DMD: variants seen among roughly 807,000 people sequenced by gnomAD.
The protein encoded by DMD is mutant dystrophin.
A neutral mutation model predicts 330.1 loss-of-function variants in DMD; 63 were observed. That is an observed-to-expected ratio of 0.19 (90% CI 0.16 to 0.24). The LOEUF (loss-of-function observed/expected upper bound fraction) is 0.24. Ranked by LOEUF, DMD falls within the 10% of genes least tolerant of loss-of-function variation. The probability of loss-of-function intolerance (pLI) is 1.00; values close to 1 mark genes in which losing one functional copy is unlikely to be tolerated. For synonymous variants in DMD, 1,223 were observed against 959.8 expected (o/e 1.27, Z -5.07); for missense variants, 3,344 against 2,684.1 (o/e 1.25, Z -5.43).
At chrX:32,473,966 T>G (rs773670087) in intron 21 of DMD, among the ~76,000 whole-genome samples, 1 of 110,040 alleles carries the variant, frequency 9.1e-6, no homozygotes, top group Non-Finnish European at 1.9e-5. Context: ...CTATTTGTAG[T>G]CTTTTCTCTC....
rs908576840 is a variant in DMD, at chrX:33,331,260, C to G, written c.7+7999G>C. 3.6e-5 allele frequency among the ~76,000 whole-genome samples: 4 copies of G among 111,589 alleles called. No individual in the cohort carries two copies. The East Asian group carries it at 1.1e-3, about 32-fold the overall frequency. On this transcript the variant is annotated intron_variant, in intron 1 of 17. Coordinates refer to the DMD transcript ENST00000288447. ...CCAAAGGGAGAGGAACCTGAGATTCCTACTCACTAATGTGTCCATCACATG... is the reference window on the plus strand; with the variant it reads ...CCAAAGGGAGAGGAACCTGAGATTCGTACTCACTAATGTGTCCATCACATG...
chrX:33,214,932 C>T (rs2052024320), upstream of DMD, among the ~76,000 whole-genome samples: 1 of 112,461 alleles, frequency 8.9e-6, no homozygotes, highest in African/African-American at 3.2e-5. Context: ...GGATTATAGG[C>T]ATGAGCCACC....
intron 21 of DMD, among the ~76,000 whole-genome samples, chrX:32,482,350 G>A (rs1374337026): frequency 2.7e-5 from 3 of 110,985 alleles, no homozygotes; most frequent in Non-Finnish European, 5.7e-5. Context: ...TCTTATTTCT[G>A]CCTGTACAGA....
At chrX:32,978,634 T>A (rs2092619332) in intron 2 of DMD, among the ~76,000 whole-genome samples, 1 of 111,476 alleles carries the variant, frequency 9.0e-6, no homozygotes, top group Non-Finnish European at 1.9e-5. Context: ...TACACTGAAC[T>A]AATTTTTATA....
In DMD at chrX:33,008,811, TACACATAAATGTATAC is replaced by T. The variant is rs1279593057; in HGVS notation, c.93+11312_93+11327del. Among the ~76,000 whole-genome samples the T allele has an allele frequency of 1.8e-3, 173 of 97,507 alleles. 2 individuals are homozygous for T. Among genetic ancestry groups the T allele is most frequent in the Middle Eastern group, 6.5e-3 (1 of 154 alleles). 84.7% of individuals were successfully genotyped at this position (97,507 alleles called of 115,157 possible). A position where few individuals can be genotyped will look rare whatever the true frequency, so the allele number is the denominator to read the frequency against. ...ATATATACGTATATATACGTATATA[TACACATAAATGTATAC>T]GTATATATATACACATATATGTATA... is the stretch of plus-strand genomic sequence containing the variant. On this transcript the variant is annotated intron_variant, in intron 2 of 78. Transcript: ENST00000357033.
Position 31,679,521 on chromosome X carries a change from T to G in DMD, c.7726A>C (p.Asn2576His). The G allele has an allele frequency of 1.2e-5, 14 of 1,211,790 alleles. No homozygotes were observed. Among genetic ancestry groups the G allele is most frequent in the Non-Finnish European group, 1.5e-5 (13 of 895,411 alleles). Residue 2576 changes from asparagine (N) to histidine (H), a missense_variant, in exon 53 of 79, where the codon AAT becomes CAT. Asn to His is a moderately conservative substitution (Grantham distance 68). Transcript: ENST00000357033. ...TGTGTTGAATCCTTTAACATTTCAT[T>G]CAACTGTTGCCTCCGGTTCTGAAGG... is the stretch of plus-strand genomic sequence containing the variant. ...EHLQNRRQQL[N>H]EMLKDSTQWL...
chrX:32,625,336 A>G (rs5928051), intron 11 of DMD, among the ~76,000 whole-genome samples: 18,755 of 110,970 alleles, frequency 0.17, 1,457 homozygotes, highest in African/African-American at 0.28. Context: ...TATGGCTAGT[A>G]AGGCTCAGAA....
chrX:33,108,036 T>C (rs1366230056), intron 1 of DMD, among the ~76,000 whole-genome samples: 1 of 111,727 alleles, frequency 9.0e-6, no homozygotes, highest in East Asian at 2.8e-4. Flanking sequence ...CTAGATATTG[T>C]ATCAACAATA....
At position 31,306,346 on chromosome X, in the gene DMD, A is replaced by G. The variant is rs1037321464; in HGVS notation, c.9224+17252T>C. On this transcript the variant is annotated intron_variant, in intron 62 of 78. Transcript: ENST00000357033. ...TTTCACTGAGAAATGAAGTTCAGAG[A>G]GTAATGAAATTATGTAAGGGCATAC... 6.3e-5 allele frequency among the ~76,000 whole-genome samples: 7 copies of G among 111,671 alleles called. No homozygotes were observed. The Admixed American group carries it at 6.7e-4, about 11-fold the overall frequency.
chrX:33,270,728 C>A (rs1194563350), intron 1 of DMD, among the ~76,000 whole-genome samples: 2 of 111,616 alleles, frequency 1.8e-5, no homozygotes, highest in Non-Finnish European at 3.8e-5. Context: ...AAAAAGAGAG[C>A]AAATATAAGC....
chrX:32,901,397 A>G (rs181555332), intron 2 of DMD, among the ~76,000 whole-genome samples: 44 of 112,175 alleles, frequency 3.9e-4, no homozygotes, highest in Admixed American at 3.5e-3. Context: ...ACTTCTCTTC[A>G]AAATTATTAC....
chrX:32,620,783 T>A (rs2057931082), intron 11 of DMD, among the ~76,000 whole-genome samples: 1 of 111,612 alleles, frequency 9.0e-6, no homozygotes, highest in African/African-American at 3.3e-5. Context: ...GAGACATAAA[T>A]ACAAAAATAA....
chrX:32,686,041 T>C (rs1383041172), intron 9 of DMD, among the ~76,000 whole-genome samples: 2 of 111,588 alleles, frequency 1.8e-5, no homozygotes, highest in Non-Finnish European at 3.8e-5. Flanking sequence ...GCTAGTAGAT[T>C]TGAGACCCAC....
intron 50 of DMD, among the ~76,000 whole-genome samples, chrX:31,796,299 T>C (rs180797830): frequency 4.8e-4 from 54 of 112,291 alleles, no homozygotes; most frequent in African/African-American, 1.7e-3. Context: ...TCAAGCTTAT[T>C]TGTCTTAACA....
chrX:32,843,630 T>A (rs1285222585), intron 4 of DMD, among the ~76,000 whole-genome samples: 2 of 112,325 alleles, frequency 1.8e-5, no homozygotes, highest in Admixed American at 1.9e-4. Context: ...CTGCTTATGG[T>A]TATTTTAAGA....
chrX:31,679,623 T>C, intron 52 of DMD, 37 bp from the exon 53 acceptor site: 1 of 1,103,097 alleles, frequency 9.1e-7, no homozygotes, highest in Non-Finnish European at 1.2e-6. Flanking sequence ...TAGTAGTAAA[T>C]GCTAGTCTGG....
At chrX:31,381,654 C>T (rs2060188640) in intron 60 of DMD, among the ~76,000 whole-genome samples, 1 of 111,258 alleles carries the variant, frequency 9.0e-6, no homozygotes, top group Non-Finnish European at 1.9e-5. Flanking sequence ...CCCATATTTC[C>T]TTCTTTCCTG....
At chrX:32,267,559 G>A (rs1242073801) in intron 43 of DMD, among the ~76,000 whole-genome samples, 1 of 112,143 alleles carries the variant, frequency 8.9e-6, no homozygotes, top group Admixed American at 9.5e-5. Context: ...CTGCTTCAAA[G>A]CAAGTCATAG....
rs144078642 is a variant in DMD, at chrX:31,200,820, G to A, written c.9807+3141C>T. On this transcript the variant is annotated intron_variant, in intron 67 of 78. Coordinates refer to ENST00000357033, the MANE Select transcript of DMD (RefSeq NM_004006.3). ...TGCTAGGAAGCCAGTGCAATGATGA[G>A]AAGGCCTGGAAACAATGTAAGAATG... 1.1e-3 allele frequency among the ~76,000 whole-genome samples: 126 copies of A among 111,489 alleles called. 1 individual carries two copies. The East Asian group carries it at 0.021, about 18-fold the overall frequency.
Sources: allele counts gnomAD v4.1 joint callset (sites outside exome capture counted in the v4.1 genomes callset), GRCh38; gene constraint gnomAD v4.1.1; transcripts MANE v1.5; gene names NCBI Gene and HGNC (gene_info 2026-07-23, HGNC 2026-07-21).